KANSL3: variants seen among roughly 807,000 people sequenced by gnomAD.
KANSL3 encodes NSL complex protein NSL3.
Under a neutral mutation model 89.2 loss-of-function variants are expected in KANSL3, and 16 were observed. That is an observed-to-expected ratio of 0.18 (90% confidence interval 0.12 to 0.27). KANSL3 has a LOEUF of 0.27. Ranked by LOEUF, KANSL3 falls within the 10% of genes least tolerant of loss-of-function variation. The probability of loss-of-function intolerance (pLI) is 1.00; values close to 1 mark genes in which losing one functional copy is unlikely to be tolerated. For missense variants in KANSL3, 879 were observed against 1,110.6 expected, an observed-to-expected ratio of 0.79 and a Z score of 2.96; for synonymous variants, 385 against 419.7, an observed-to-expected ratio of 0.92 and a Z score of 1.01.
chr2:96,621,514 GA>G (rs766616219), intron 3 of KANSL3, among the ~76,000 whole-genome samples: 226 of 136,558 alleles, frequency 1.7e-3, no homozygotes, highest in South Asian at 2.3e-3. Context: ...ACTCTGTCTT[GA>G]AAAAAAAAAA....
chr2:96,627,346 C>T (rs2072531036), intron 3 of KANSL3, among the ~76,000 whole-genome samples: 1 of 152,082 alleles, frequency 6.6e-6, no homozygotes. Flanking sequence ...TCCCGAGTAG[C>T]TGAGATTACA....
chr2:96,610,658 G>A (rs2068768995), intron 11 of KANSL3, 68 bp downstream of exon 11: 7 of 1,565,594 alleles, frequency 4.5e-6, no homozygotes, highest in Non-Finnish European at 6.1e-6. Flanking sequence ...TAGTTACATT[G>A]CCAGCTTCCA....
intron 5 of KANSL3, among the ~76,000 whole-genome samples, chr2:96,617,780 G>C (rs1294577470): frequency 6.6e-6 from 1 of 151,714 alleles, no homozygotes; most frequent in African/African-American, 2.4e-5. Context: ...GGCGGATCAC[G>C]AGGTCAGGAG....
the KANSL3 span, among the ~76,000 whole-genome samples, chr2:96,581,149 G>A: frequency 2.0e-5 from 3 of 152,216 alleles, no homozygotes; most frequent in East Asian, 5.8e-4. Flanking sequence ...TAAGGGGCAG[G>A]GCACGGTGGC....
chr2:96,619,271 G>T, intron 5 of KANSL3, 88 bp downstream of exon 5: 1 of 1,286,756 alleles, frequency 7.8e-7, no homozygotes, highest in Non-Finnish European at 1.1e-6. Context: ...AGACCGACCA[G>T]ATAATTACTT....
At chr2:96,609,784 A>G (rs1402787769) in intron 11 of KANSL3, among the ~76,000 whole-genome samples, 1 of 151,778 alleles carries the variant, frequency 6.6e-6, no homozygotes, top group African/African-American at 2.4e-5. Flanking sequence ...AAACAAAATA[A>G]CATATGTAAA....
At position 96,601,688 on chromosome 2, in the gene KANSL3, G is replaced by A; in HGVS notation, c.2571C>T (p.Ala857=). Residue 857 remains alanine (A), a synonymous_variant, in exon 20 of 21, where the codon GCC becomes GCT. Transcript: ENST00000431828. ...TTLSPMGSGA[A]PSEESSSQVL... ...CCTGGGAAGAGGACTCCTCGGATGG[G>A]GCTGCTCCTGAGCCCATAGGGCTCA... 1.2e-6 allele frequency: 2 copies of A among 1,613,442 alleles called. No individual in the cohort carries two copies. The highest frequency in any genetic ancestry group is 1.7e-6 in the Non-Finnish European group (2 of 1,179,634).
intron 17 of KANSL3, 141 bp from the exon 18 acceptor site, chr2:96,603,003 G>A (rs1366035835): frequency 4.3e-6 from 3 of 694,936 alleles, no homozygotes; most frequent in Non-Finnish European, 7.3e-6. Context: ...GAGAAGGCAG[G>A]AAGCTCTCCC....
rs1219932118 is a variant in KANSL3, at chr2:96,636,940, G to A, written c.196C>T (p.Arg66Trp). The change falls in exon 2 of 21, where the codon CGG becomes TGG. Residue 66 changes from arginine to tryptophan, a missense_variant. Around this residue, in one of 6 missense-constraint regions of KANSL3, gnomAD observed 210 missense variants for 311.9 expected, o/e 0.67. Transcript: ENST00000431828. Reference sequence around the variant, plus strand: ...ACTCACATGGTACTTTCGTGCTGCCGCCGGGGAGTGACAAAGAGCATGCGG... The same window carrying A: ...ACTCACATGGTACTTTCGTGCTGCCACCGGGGAGTGACAAAGAGCATGCGG... ...PTRMLFVTPR[R>W]QHESTIESDV... 6.5e-7 allele frequency: 1 copy of A among 1,537,940 alleles called. No individual in the cohort carries two copies.
intron 3 of KANSL3, chr2:96,628,152 C>T: frequency 7.8e-7 from 1 of 1,289,440 alleles, no homozygotes; most frequent in South Asian, 1.2e-5. Flanking sequence ...GGAGAAGGTG[C>T]ACACTGGCCT....
the KANSL3 span, among the ~76,000 whole-genome samples, chr2:96,583,203 G>A: frequency 6.6e-6 from 1 of 152,130 alleles, no homozygotes; most frequent in African/African-American, 2.4e-5. Flanking sequence ...CCCATTATCT[G>A]TCTGATTCTG....
At chr2:96,609,473 G>C in intron 12 of KANSL3, 26 bp downstream of exon 12, 1 of 1,609,666 alleles carries the variant, frequency 6.2e-7, no homozygotes, top group East Asian at 2.2e-5. Flanking sequence ...GCCTAGCTGA[G>C]AAAAGCACAC....
At chr2:96,621,890 C>T (rs927975877) in intron 3 of KANSL3, among the ~76,000 whole-genome samples, 6 of 151,558 alleles carry the variant, frequency 4.0e-5, no homozygotes, top group Non-Finnish European at 8.8e-5. Flanking sequence ...CCAAGGCAGG[C>T]GGATCACAAG....
intron 5 of KANSL3, among the ~76,000 whole-genome samples, chr2:96,613,967 G>A (rs2069478661): frequency 6.6e-6 from 1 of 152,250 alleles, no homozygotes; most frequent in East Asian, 1.9e-4. Context: ...ATTATGCACA[G>A]AGACAAATTA....
chr2:96,609,551 G>A lies in KANSL3; in HGVS notation c.1331C>T (p.Ala444Val), dbSNP rs370657286. The A allele has an allele frequency of 7.0e-5, 113 of 1,613,282 alleles. 1 individual carries two copies. Among genetic ancestry groups the A allele is most frequent in the East Asian group, 3.1e-4 (14 of 44,880 alleles). Residue 444 changes from alanine to valine, a missense_variant, in exon 12 of 21, where the codon GCA becomes GTA. This residue lies in a region of KANSL3 where 198 missense variants were observed against 260.3 expected (regional missense o/e 0.76). Transcript: ENST00000431828. ...GADDNLRISK[A>V]KKKSEGLTQS... The stretch of plus-strand genomic sequence containing the variant: ...AGTCAACCCTTCTGATTTCTTCTTT[G>A]CTTTGCTTATTCTAAGAAACAAAAA...
In KANSL3 at chr2:96,605,280, G is replaced by C; in HGVS notation, c.1933+40C>G. 3 of 1,554,702 alleles carry C rather than the reference G, an allele frequency of 1.9e-6. No individual in the cohort carries two copies. The South Asian group carries it at 3.5e-5, about 18-fold the overall frequency. The stretch of plus-strand genomic sequence containing the variant: ...CCAAAGGGCAATGCTGTGTACCTGA[G>C]AGAGCTCAGTTCTCATTTAACGTAC... On this transcript the variant is annotated intron_variant, in intron 15 of 20. Coordinates refer to ENST00000431828, the MANE Select transcript of KANSL3 (RefSeq NM_001115016.3).
chr2:96,611,628 T>C lies in KANSL3; in HGVS notation c.1087-490A>G, dbSNP rs374037851. ...GACTATGGGGACCTTCTTCCTCTCA[T>C]AGCTATCACACTTGATTGGACTGCA... On this transcript the variant is annotated intron_variant, in intron 9 of 20. Transcript: ENST00000431828. 9.3e-4 allele frequency among the ~76,000 whole-genome samples: 141 copies of C among 152,278 alleles called. 4 individuals carry two copies. The South Asian group carries it at 0.028, about 30-fold the overall frequency.
At chr2:96,613,464 T>A in intron 6 of KANSL3, 24 bp downstream of exon 6, 1 of 1,591,604 alleles carries the variant, frequency 6.3e-7, no homozygotes, top group Non-Finnish European at 8.6e-7. Context: ...GTACCATTGT[T>A]AAGTCCTGAG....
intron 7 of KANSL3, 35 bp from the exon 8 acceptor site, chr2:96,612,598 G>GT: frequency 1.3e-6 from 2 of 1,543,594 alleles, no homozygotes; most frequent in Non-Finnish European, 1.8e-6. Context: ...ACCAGCAGAG[G>GT]TAAGTTTCAA....
Sources: allele counts gnomAD v4.1 joint callset (sites outside exome capture counted in the v4.1 genomes callset), GRCh38; gene constraint gnomAD v4.1.1; regional missense constraint gnomAD v4.1.1; transcripts MANE v1.5; gene names NCBI Gene and HGNC (gene_info 2026-07-23, HGNC 2026-07-21).